Variants in BRD9 observed in about 807,000 individuals in gnomAD.
BRD9 encodes the protein bromodomain-containing protein 9.
A neutral mutation model predicts 68.7 loss-of-function variants in BRD9; 47 were observed. The observed-to-expected ratio is 0.68, with a 90% confidence interval of 0.54 to 0.87. The LOEUF (loss-of-function observed/expected upper bound fraction) is 0.87, where lower values mean the gene tolerates loss of function less well. Ranked by LOEUF, BRD9 falls within the 40% of genes least tolerant of loss-of-function variation. The pLI is 0.00. For missense variants in BRD9, 670 were observed against 748.4 expected (o/e 0.90, Z 1.22); for synonymous variants, 313 against 293.9 (o/e 1.06, Z -0.67).
rs553360510 is a variant in BRD9 at position 867,646 on chromosome 5, A to G, written c.1526-2065T>C. On this transcript the variant is annotated intron_variant, in intron 14 of 15. Transcript: ENST00000467963. ...AGATTCTTTCGGGGCCTCAAGATGTAATGACTGCCCTGCTGGGTTTCAGAT... is the reference window on the plus strand; with the variant it reads ...AGATTCTTTCGGGGCCTCAAGATGTGATGACTGCCCTGCTGGGTTTCAGAT... 3.9e-5 allele frequency among the ~76,000 whole-genome samples: 6 copies of G among 152,378 alleles called. No homozygotes were observed. In the East Asian group the frequency reaches 9.6e-4, roughly 24 times the overall value.
chr5:877,719 G>T (rs72703147), intron 11 of BRD9, among the ~76,000 whole-genome samples: 32 of 152,108 alleles, frequency 2.1e-4, no homozygotes, highest in Admixed American at 6.5e-5. Context: ...CTCAGAGTTC[G>T]TAAGTTGAAA....
intron 15 of BRD9, among the ~76,000 whole-genome samples, chr5:864,861 G>A (rs1424093890): frequency 6.6e-6 from 1 of 152,192 alleles, no homozygotes; most frequent in African/African-American, 2.4e-5. Flanking sequence ...AGTCATACTG[G>A]GATATCGGGG....
chr5:887,317 A>G (rs943618683), intron 6 of BRD9, 44 bp downstream of exon 6: 19 of 1,508,238 alleles, frequency 1.3e-5, no homozygotes, highest in Non-Finnish European at 1.7e-5. Flanking sequence ...CGGGGGGCAG[A>G]GCCCCTGCTT....
At chr5:865,907 G>A (rs749874458) in intron 14 of BRD9, 42 of 239,664 alleles carry the variant, frequency 1.8e-4, no homozygotes, top group Non-Finnish European at 3.2e-4. Context: ...CCTGGTGTGG[G>A]CTCCTGTCCT....
At chr5:872,641 G>A (rs143952161) in intron 12 of BRD9, among the ~76,000 whole-genome samples, 2 of 152,208 alleles carry the variant, frequency 1.3e-5, no homozygotes, top group African/African-American at 2.4e-5. Context: ...CAGAGCTGCA[G>A]AAATCTGCTT....
intron 14 of BRD9, 181 bp from the exon 15 acceptor site, chr5:865,762 A>C (rs1306658581): frequency 3.2e-6 from 2 of 621,810 alleles, no homozygotes; most frequent in Admixed American, 3.3e-5. Flanking sequence ...CATTACCCTT[A>C]GCAGTGAGTG....
In BRD9 at chr5:883,452, T is replaced by C. The variant is rs865911901; in HGVS notation, c.966+486A>G. On this transcript the variant is annotated intron_variant, in intron 8 of 15. Coordinates refer to ENST00000467963, the MANE Select transcript of BRD9 (RefSeq NM_023924.5). ...AAGACACTGGGTCTAGAACGTCTCC[T>C]GCCAGAAAGGAGAGCGTGGTCAGCT... 1.3e-5 allele frequency: 6 copies of C among 456,602 alleles called. No individual in the cohort carries two copies. The Middle Eastern group carries it at 1.6e-3, about 123-fold the overall frequency. The allele number at this position is 456,602 out of a possible 1,614,324, so 28.3% of individuals were successfully genotyped here. A position where few individuals can be genotyped will look rare whatever the true frequency, so the allele number is the denominator to read the frequency against.
chr5:875,054 G>A (rs576654725), intron 12 of BRD9, among the ~76,000 whole-genome samples: 18 of 152,316 alleles, frequency 1.2e-4, no homozygotes, highest in South Asian at 2.1e-4. Context: ...AGCCCACCAA[G>A]GCACCTGGAA....
chr5:892,593 G>A lies in BRD9; in HGVS notation c.52+13C>T, dbSNP rs1171134798. ...CCCCGCCCGCCGCGCGTCACAAAGC[G>A]CCGCCGCCTCACCCTCGTAGGACGA... On this transcript the variant is annotated intron_variant, in intron 1 of 15. Transcript: ENST00000467963. The A allele has an allele frequency of 1.3e-6, 2 of 1,535,108 alleles. No individual in the cohort carries two copies. Among genetic ancestry groups the A allele is most frequent in the East Asian group, 5.1e-5 (2 of 38,860 alleles).
At chr5:885,140 T>C (rs544271294) in intron 7 of BRD9, among the ~76,000 whole-genome samples, 1 of 152,296 alleles carries the variant, frequency 6.6e-6, no homozygotes, top group African/African-American at 2.4e-5. Context: ...CCCCGACCCC[T>C]GAAGGCCAGC....
chr5:882,362 A>T (rs6555562), intron 8 of BRD9: 2,622 of 156,122 alleles, frequency 0.017, 48 homozygotes, highest in African/African-American at 0.06. Flanking sequence ...CACGCAGGCC[A>T]CAACCTCCAG....
rs976292501 is a variant in BRD9 at position 881,259 on chromosome 5, A to C, written c.967-77T>G. The stretch of plus-strand genomic sequence containing the variant: ...ACAAATGAAATGAAGACCAACAAGC[A>C]GGGCTTAATGGGGGTGAAAGCACAT... On this transcript the variant is annotated intron_variant, in intron 8 of 15. Coordinates refer to ENST00000467963, the MANE Select transcript of BRD9 (RefSeq NM_023924.5). The C allele has an allele frequency of 9.3e-5, 127 of 1,366,386 alleles. 1 individual carries two copies. Among genetic ancestry groups the C allele is most frequent in the Admixed American group, 2.5e-4 (14 of 55,254 alleles). The allele number at this position is 1,366,386 out of a possible 1,614,324, so 84.6% of individuals were successfully genotyped here.
In BRD9 at chr5:892,711, C is replaced by T; in HGVS notation, c.-54G>A. The T allele has an allele frequency of 1.5e-6, 2 of 1,303,070 alleles. No homozygotes were observed. Among genetic ancestry groups the T allele is most frequent in the Admixed American group, 8.4e-5 (2 of 23,684 alleles). The allele number at this position is 1,303,070 out of a possible 1,614,324, so 80.7% of individuals were successfully genotyped here. A position where few individuals can be genotyped will look rare whatever the true frequency, so the allele number is the denominator to read the frequency against. The stretch of plus-strand genomic sequence containing the variant: ...GGGCTGGGAACAGCTGGCACCCGGT[C>T]GGACCTTGGCCGCCACCGCCCCCTG... On this transcript the variant is annotated 5_prime_UTR_variant, in exon 1 of 16. Transcript: ENST00000467963.
At chr5:872,382 A>AT (rs1249787150) in intron 12 of BRD9, among the ~76,000 whole-genome samples, 1 of 152,208 alleles carries the variant, frequency 6.6e-6, no homozygotes, top group Non-Finnish European at 1.5e-5. Flanking sequence ...ACTCAACTCC[A>AT]TATCCAAGTT....
At chr5:869,606 T>G (rs1560894001) in intron 14 of BRD9, among the ~76,000 whole-genome samples, 1 of 152,212 alleles carries the variant, frequency 6.6e-6, no homozygotes, top group African/African-American at 2.4e-5. Context: ...CTACTCTTTT[T>G]GAAGCCTGCT....
intron 13 of BRD9, 132 bp downstream of exon 13, chr5:871,394 G>T (rs1560896642): frequency 6.2e-6 from 5 of 801,056 alleles, no homozygotes; most frequent in Admixed American, 1.9e-5. Context: ...AAACACTATT[G>T]ATCTTACTGA....
intron 3 of BRD9, among the ~76,000 whole-genome samples, chr5:890,300 A>T (rs1753170382): frequency 6.6e-6 from 1 of 152,020 alleles, no homozygotes; most frequent in Non-Finnish European, 1.5e-5. Flanking sequence ...CAGGCCTCAG[A>T]CAGTTTCTGA....
chr5:889,012 G>C lies in BRD9; in HGVS notation c.606+9C>G. 1 of 1,603,310 alleles carries C rather than the reference G, an allele frequency of 6.2e-7. No homozygotes were observed. The highest frequency in any genetic ancestry group is 8.5e-7 in the Non-Finnish European group (1 of 1,175,938). ...GCCACGATTACTTCGGGCAATGAAA[G>C]TAACTTACCTTAAATTCCGTAACTG... On this transcript the variant is annotated intron_variant, in intron 5 of 15. Transcript: ENST00000467963.
At chr5:872,527 T>A (rs1750303265) in intron 12 of BRD9, among the ~76,000 whole-genome samples, 1 of 152,142 alleles carries the variant, frequency 6.6e-6, no homozygotes, top group Non-Finnish European at 1.5e-5. Context: ...GGGGCCAGCT[T>A]CCTGCCTGGA....
Sources: gnomAD v4.1 joint callset for allele counts (sites outside exome capture counted in the v4.1 genomes callset) on GRCh38, gnomAD v4.1.1 for gene constraint, MANE v1.5 for transcripts, NCBI Gene and HGNC (gene_info 2026-07-23, HGNC 2026-07-21) for gene names.